Variants in SPTBN1 observed in about 807,000 individuals in gnomAD.
SPTBN1 encodes spectrin beta, non-erythrocytic 1.
A neutral mutation model predicts 266.4 loss-of-function variants in SPTBN1; 32 were observed. The ratio of observed to expected loss-of-function variants is 0.12; its 90% CI spans 0.09 to 0.16. SPTBN1 has a LOEUF of 0.16. Ranked by LOEUF, SPTBN1 falls within the 10% of genes least tolerant of loss-of-function variation. The pLI, the probability that SPTBN1 is intolerant of heterozygous loss-of-function variation, is 1.00. For missense variants in SPTBN1, 2,296 were observed against 3,067.1 expected, an observed-to-expected ratio of 0.75 and a Z score of 5.94; for synonymous variants, 1,336 against 1,162.2, an observed-to-expected ratio of 1.15 and a Z score of -3.04.
intron 1 of SPTBN1, among the ~76,000 whole-genome samples, chr2:54,511,969 G>A (rs950702432): frequency 2.6e-5 from 4 of 152,154 alleles, no homozygotes; most frequent in African/African-American, 7.2e-5. Context: ...CATCGGCAGG[G>A]GTGATAGAAG....
chr2:54,632,584 A>T lies in SPTBN1; in HGVS notation c.3583A>T (p.Thr1195Ser), dbSNP rs749985565. The change falls in exon 17 of 36, where the codon ACT becomes TCT. Residue 1195 changes from threonine to serine, a missense_variant. This residue lies in a region of SPTBN1 where 386 missense variants were observed against 486.1 expected (regional missense o/e 0.79). Coordinates refer to ENST00000356805, the MANE Select transcript of SPTBN1 (RefSeq NM_003128.3). ...LNNQEYVLAH[T>S]EMPTTLEGAE... is the part of the protein sequence containing the mutation. Reference sequence around the variant, plus strand: ...AAATAAGGAGTATGTTCTGGCTCACACTGAAATGCCTACCACCTTGGAAGG... The same window carrying T: ...AAATAAGGAGTATGTTCTGGCTCACTCTGAAATGCCTACCACCTTGGAAGG... 6.2e-7 allele frequency: 1 copy of T among 1,614,266 alleles called. No individual in the cohort carries two copies. Among genetic ancestry groups the T allele is most frequent in the South Asian group, 1.1e-5 (1 of 91,088 alleles).
chr2:54,534,851 C>T (rs1202489385), intron 2 of SPTBN1, among the ~76,000 whole-genome samples: 3 of 152,186 alleles, frequency 2.0e-5, no homozygotes, highest in Non-Finnish European at 4.4e-5. Context: ...GCACTCATCC[C>T]CCTTCCTGGC....
chr2:54,550,425 T>A (rs1440895304), intron 2 of SPTBN1, among the ~76,000 whole-genome samples: 1 of 152,198 alleles, frequency 6.6e-6, no homozygotes, highest in Non-Finnish European at 1.5e-5. Flanking sequence ...GGGCTGCACA[T>A]GTTGTTCCAT....
chr2:54,489,175 A>G (rs1251242185), intron 1 of SPTBN1, among the ~76,000 whole-genome samples: 3 of 133,668 alleles, frequency 2.2e-5, no homozygotes, highest in East Asian at 2.1e-4. Flanking sequence ...AAAAAAAAAA[A>G]CCAGGCATGG....
At chr2:54,466,168 C>T (rs961998185) in intron 1 of SPTBN1, among the ~76,000 whole-genome samples, 1 of 151,978 alleles carries the variant, frequency 6.6e-6, no homozygotes, top group African/African-American at 2.4e-5. Flanking sequence ...CCTGTTAGTT[C>T]TGATTTTTAA....
At chr2:54,515,425 T>C (rs1232576503) in intron 1 of SPTBN1, among the ~76,000 whole-genome samples, 3 of 152,214 alleles carry the variant, frequency 2.0e-5, no homozygotes, top group Middle Eastern at 3.2e-3. Flanking sequence ...GTTGGGTGGT[T>C]ACATCTTCAT....
chr2:54,593,203 A>T (rs1341562018), intron 2 of SPTBN1, among the ~76,000 whole-genome samples: 2 of 151,966 alleles, frequency 1.3e-5, no homozygotes, highest in Admixed American at 6.6e-5. Context: ...GTGGAACTAA[A>T]GGCTGAGCTG....
Position 54,664,953 on chromosome 2 carries a change from A to C in SPTBN1, c.6659+262A>C, listed in dbSNP as rs2104254110. 1 of 448,620 alleles carries C rather than the reference A, an allele frequency of 2.2e-6. No individual in the cohort carries two copies. Among genetic ancestry groups the C allele is most frequent in the Admixed American group, 3.6e-5 (1 of 27,798 alleles). 27.8% of individuals were successfully genotyped at this position (448,620 alleles called of 1,614,324 possible). ...TTCATCTAGAGAAGGAATTTGCTAG[A>C]TTGAGACTGAAGAGTCTTCTTTACT... On this transcript the variant is annotated intron_variant, in intron 33 of 35. Coordinates refer to ENST00000356805, the MANE Select transcript of SPTBN1 (RefSeq NM_003128.3). This position sits in a 1 kb window ranked among gnomAD's most constrained non-coding sequence, Gnocchi z 5.6.
Position 54,558,176 on chromosome 2 carries a change from G to C in SPTBN1, c.148+31610G>C. On this transcript the variant is annotated intron_variant, in intron 2 of 35. Coordinates refer to ENST00000356805, the MANE Select transcript of SPTBN1 (RefSeq NM_003128.3). This position sits in a 1 kb window ranked among gnomAD's most constrained non-coding sequence, Gnocchi z 4.6. ...CCGCGGCGAGTCCAGGGCCCGGCCG[G>C]GGGTCGGCGGCTGCCGGGCGGCTGG... 1.0e-6 allele frequency: 1 copy of C among 985,382 alleles called. No individual in the cohort carries two copies. Among genetic ancestry groups the C allele is most frequent in the Non-Finnish European group, 1.2e-6 (1 of 829,894 alleles). 61.0% of individuals were successfully genotyped at this position (985,382 alleles called of 1,614,324 possible). A position where few individuals can be genotyped will look rare whatever the true frequency, so the allele number is the denominator to read the frequency against.
chr2:54,465,796 A>T (rs970442555), intron 1 of SPTBN1, among the ~76,000 whole-genome samples: 7 of 151,972 alleles, frequency 4.6e-5, no homozygotes, highest in African/African-American at 1.4e-4. Context: ...AGTCCCATGA[A>T]TGAGTCAAGT....
chr2:54,537,745 TGC>T (rs1336859707), intron 2 of SPTBN1, among the ~76,000 whole-genome samples: 4 of 152,238 alleles, frequency 2.6e-5, no homozygotes, highest in Non-Finnish European at 5.9e-5. Flanking sequence ...CTTCTGTCTC[TGC>T]CCCTTGTAGG....
intron 1 of SPTBN1, among the ~76,000 whole-genome samples, chr2:54,492,339 T>G (rs77504352): frequency 0.016 from 1,450 of 91,992 alleles, 61 homozygotes; most frequent in East Asian, 0.033. Flanking sequence ...TTGTCTGCAG[T>G]TGTTTTTTTG....
chr2:54,623,636 G>A (rs1678137804), intron 10 of SPTBN1, 40 bp downstream of exon 10: 1 of 1,514,164 alleles, frequency 6.6e-7, no homozygotes, highest in Non-Finnish European at 9.1e-7. Context: ...CTGACCTCCT[G>A]GAGGCTTCAG....
chr2:54,498,063 C>CA (rs746959001), intron 1 of SPTBN1, among the ~76,000 whole-genome samples: 46 of 152,146 alleles, frequency 3.0e-4, no homozygotes, highest in Non-Finnish European at 6.3e-4. Flanking sequence ...CTTAAAGAAT[C>CA]ACAGTAGAGA....
intron 32 of SPTBN1, chr2:54,661,477 T>G (rs543718686): frequency 2.0e-6 from 2 of 985,768 alleles, no homozygotes; most frequent in Non-Finnish European, 2.4e-6. Flanking sequence ...ATATAGCATC[T>G]TGTTTGTTTT....
chr2:54,659,481 T>C (rs1048516838), intron 31 of SPTBN1, among the ~76,000 whole-genome samples: 15 of 152,124 alleles, frequency 9.9e-5, no homozygotes, highest in Admixed American at 3.9e-4. Flanking sequence ...GTGGCAGAAG[T>C]AGAATGTAGA....
intron 17 of SPTBN1, among the ~76,000 whole-genome samples, chr2:54,634,245 G>A (rs1331125159): frequency 1.3e-5 from 2 of 152,114 alleles, no homozygotes; most frequent in Non-Finnish European, 2.9e-5. Context: ...TATGTCCCCA[G>A]TGCTGCAACT....
intron 9 of SPTBN1, 89 bp downstream of exon 9, chr2:54,622,576 A>G: frequency 1.4e-6 from 2 of 1,442,890 alleles, no homozygotes; most frequent in Non-Finnish European, 1.9e-6. Context: ...CTGTAATCTC[A>G]TCTCTTAACT....
chr2:54,606,189 A>T (rs1676828656), intron 3 of SPTBN1, among the ~76,000 whole-genome samples: 1 of 152,208 alleles, frequency 6.6e-6, no homozygotes, highest in Admixed American at 6.5e-5. Flanking sequence ...AGCTTTCAGG[A>T]TAAAGTCTGA....
Sources: gnomAD v4.1 joint callset for allele counts (sites outside exome capture counted in the v4.1 genomes callset) on GRCh38, gnomAD v4.1.1 for gene constraint, gnomAD v4.1.1 regional missense constraint, Gnocchi (gnomAD v3.1) non-coding constraint, MANE v1.5 for transcripts, NCBI Gene and HGNC (gene_info 2026-07-23, HGNC 2026-07-21) for gene names.